The following ODAD2 variants were observed in gnomAD, a reference collection of about 807,000 sequenced individuals.
ODAD2 encodes outer dynein arm docking complex subunit 2, also known as outer dynein arm-docking complex subunit 2.
ODAD2 carries 89 observed loss-of-function variants against 106.8 expected under a neutral mutation model. The ratio of observed to expected loss-of-function variants is 0.83; its 90% CI spans 0.70 to 0.99. The LOEUF (loss-of-function observed/expected upper bound fraction) is 0.99, where lower values mean the gene tolerates loss of function less well. Ranked by LOEUF, ODAD2 falls within the 50% of genes least tolerant of loss-of-function variation. The probability of loss-of-function intolerance (pLI) is 0.00; values close to 1 mark genes in which losing one functional copy is unlikely to be tolerated. For missense variants in ODAD2, 1,168 were observed against 1,238.5 expected, an observed-to-expected ratio of 0.94 and a Z score of 0.85; for synonymous variants, 404 against 436.2, an observed-to-expected ratio of 0.93 and a Z score of 0.92.
At chr10:27,870,865 T>A (rs940116261) in intron 17 of ODAD2, among the ~76,000 whole-genome samples, 1 of 152,228 alleles carries the variant, frequency 6.6e-6, no homozygotes, top group Non-Finnish European at 1.5e-5. Context: ...TTTGGGTATA[T>A]ACCCAGTAAT....
intron 19 of ODAD2, among the ~76,000 whole-genome samples, chr10:27,829,249 G>A (rs1837296208): frequency 6.6e-6 from 1 of 152,170 alleles, no homozygotes; most frequent in Non-Finnish European, 1.5e-5. Flanking sequence ...CTTCTTCGAT[G>A]TCAAATAAAT....
At chr10:27,955,903 C>T (rs1030664818) in intron 10 of ODAD2, among the ~76,000 whole-genome samples, 2 of 152,112 alleles carry the variant, frequency 1.3e-5, no homozygotes, top group Non-Finnish European at 2.9e-5. Flanking sequence ...CTGAAGCTGG[C>T]AGCCCGGTGG....
At chr10:27,974,689 GTT>G (rs397699788) in intron 7 of ODAD2, among the ~76,000 whole-genome samples, 4 of 128,368 alleles carry the variant, frequency 3.1e-5, no homozygotes, top group Admixed American at 7.7e-5. Context: ...GTCTGTTTTT[GTT>G]TTTTTTTTTT....
chr10:27,939,906 G>A lies in ODAD2; in HGVS notation c.2088C>T (p.Ala696=). ...GGAGAGTTCACTGCACCTGGTAAAT[G>A]GCCATGGCGCAGTGCTCCTGCAGCT... ...NEQLQEHCAM[A]IYQCAEDKET... is the part of the protein sequence containing the mutation. The change falls in exon 14 of 20, where the codon GCC becomes GCT. Residue 696 remains alanine, a synonymous_variant. Coordinates refer to ENST00000305242, the MANE Select transcript of ODAD2 (RefSeq NM_018076.5). 2 of 1,598,228 alleles carry A rather than the reference G, an allele frequency of 1.3e-6. No homozygotes were observed. The highest frequency in any genetic ancestry group is 2.3e-5 in the East Asian group (1 of 43,930).
intron 4 of ODAD2, 137 bp from the exon 5 acceptor site, chr10:27,984,427 T>C (rs1849750946): frequency 1.6e-6 from 1 of 623,058 alleles, no homozygotes; most frequent in African/African-American, 1.8e-5. Flanking sequence ...GCTATAATTT[T>C]ATAACAGCAC....
rs539311381 is a variant in ODAD2, at chr10:27,906,763, AC to A, written c.2610+899del. 2.9e-3 allele frequency among the ~76,000 whole-genome samples: 444 copies of A among 152,308 alleles called. 2 individuals carry two copies. Among genetic ancestry groups the A allele is most frequent in the Middle Eastern group, 3.4e-3 (1 of 294 alleles). On this transcript the variant is annotated intron_variant, in intron 17 of 19. Transcript: ENST00000305242. ...TCATTCTCAGCAAACTAATACAGGA[AC>A]AAAAAACCAAACACCGCATGTTCTC...
At chr10:27,988,648 T>G (rs931421438) in intron 2 of ODAD2, among the ~76,000 whole-genome samples, 4 of 152,160 alleles carry the variant, frequency 2.6e-5, no homozygotes, top group African/African-American at 9.7e-5. Context: ...TGATCTAACA[T>G]ATTTTGAATT....
intron 19 of ODAD2, among the ~76,000 whole-genome samples, chr10:27,843,611 G>A (rs117840923): frequency 6.6e-6 from 1 of 151,838 alleles, no homozygotes; most frequent in African/African-American, 2.4e-5. Context: ...ACTAAAAATA[G>A]AAAAAAATTA....
chr10:27,860,769 G>T lies in ODAD2; in HGVS notation c.2877C>A (p.Phe959Leu). 1 of 1,614,114 alleles carries T rather than the reference G, an allele frequency of 6.2e-7. No homozygotes were observed. Among genetic ancestry groups the T allele is most frequent in the Non-Finnish European group, 8.5e-7 (1 of 1,180,004 alleles). ...CCMWGRNRVA[F>L]GEHKAVAPLV... ...GTGGAGCCACTGCTTTGTGCTCACCGAAGGCCACTCTATTCCTGCCCCACA... is the reference window on the plus strand; with the variant it reads ...GTGGAGCCACTGCTTTGTGCTCACCTAAGGCCACTCTATTCCTGCCCCACA... Residue 959 changes from phenylalanine (F) to leucine (L), a missense_variant, in exon 19 of 20, where the codon TTC becomes TTA. Coordinates refer to ENST00000305242, the MANE Select transcript of ODAD2 (RefSeq NM_018076.5).
At chr10:27,984,341 GA>G in intron 4 of ODAD2, 51 bp from the exon 5 acceptor site, 1 of 1,188,962 alleles carries the variant, frequency 8.4e-7, no homozygotes, top group Non-Finnish European at 1.2e-6. Context: ...CAGAATCTAG[GA>G]AACACATGAA....
chr10:27,833,251 GAC>G (rs1244242354), intron 19 of ODAD2, among the ~76,000 whole-genome samples: 1 of 152,126 alleles, frequency 6.6e-6, no homozygotes, highest in Non-Finnish European at 1.5e-5. Context: ...AAATGCTTCT[GAC>G]AGTGTGGCCA....
chr10:27,890,830 C>G (rs1326661149), intron 17 of ODAD2, among the ~76,000 whole-genome samples: 6 of 151,706 alleles, frequency 4.0e-5, no homozygotes, highest in Admixed American at 6.6e-5. Context: ...ATTTTAGGAT[C>G]TGGGGGCCAG....
At chr10:27,960,311 TTCATTATTA>T (rs1327167633) in intron 10 of ODAD2, among the ~76,000 whole-genome samples, 2 of 122,080 alleles carry the variant, frequency 1.6e-5, no homozygotes, top group Admixed American at 1.9e-4. Context: ...ATTTATTTAT[TTCATTATTA>T]TTATTATTAT....
chr10:27,844,992 G>T (rs1268627506), intron 19 of ODAD2, among the ~76,000 whole-genome samples: 1 of 152,130 alleles, frequency 6.6e-6, no homozygotes, highest in Non-Finnish European at 1.5e-5. Flanking sequence ...TTTCCCAAGT[G>T]CTCCTGGATA....
intron 16 of ODAD2, among the ~76,000 whole-genome samples, chr10:27,910,975 G>A (rs181748713): frequency 6.6e-6 from 1 of 152,098 alleles, no homozygotes; most frequent in Admixed American, 6.6e-5. Flanking sequence ...TCTCTTTAAA[G>A]ACACCTTATT....
intron 17 of ODAD2, among the ~76,000 whole-genome samples, chr10:27,878,831 TC>T (rs752304416): frequency 4.5e-4 from 69 of 152,254 alleles, no homozygotes; most frequent in Admixed American, 1.6e-3. Context: ...CTTGTTCTGT[TC>T]CCAGTTGTTA....
intron 16 of ODAD2, among the ~76,000 whole-genome samples, chr10:27,931,240 G>A (rs1277412188): frequency 6.6e-6 from 1 of 152,170 alleles, no homozygotes; most frequent in East Asian, 1.9e-4. Flanking sequence ...TATTACATAT[G>A]GGTCAATAAT....
intron 19 of ODAD2, among the ~76,000 whole-genome samples, chr10:27,835,657 AT>A (rs1210878148): frequency 6.6e-6 from 1 of 152,246 alleles, no homozygotes; most frequent in Admixed American, 6.5e-5. Context: ...TGTATATTAT[AT>A]ACTGTATTCT....
intron 19 of ODAD2, among the ~76,000 whole-genome samples, chr10:27,833,713 T>C (rs1837652165): frequency 6.6e-6 from 1 of 152,218 alleles, no homozygotes; most frequent in African/African-American, 2.4e-5. Context: ...ACTGAACTAG[T>C]TCCTGGAAAT....
Sources: allele counts gnomAD v4.1 joint callset (sites outside exome capture counted in the v4.1 genomes callset), GRCh38; gene constraint gnomAD v4.1.1; transcripts MANE v1.5; gene names NCBI Gene and HGNC (gene_info 2026-07-23, HGNC 2026-07-21).